MAGI2: variants seen among roughly 807,000 people sequenced by gnomAD.
MAGI2 encodes the protein membrane associated guanylate kinase, WW and PDZ domain containing 2.
Under a neutral mutation model 133.3 loss-of-function variants are expected in MAGI2, and 35 were observed. The ratio of observed to expected loss-of-function variants is 0.26; its 90% CI spans 0.20 to 0.35. The LOEUF is 0.35. Ranked by LOEUF, MAGI2 falls within the 10% of genes least tolerant of loss-of-function variation. MAGI2 has a pLI of 1.00. For synonymous variants in MAGI2, 729 were observed against 710.6 expected (o/e 1.03, Z -0.41); for missense variants, 1,636 against 1,863.4 (o/e 0.88, Z 2.25).
At chr7:78,727,506 G>A (rs1214065791) in intron 2 of MAGI2, among the ~76,000 whole-genome samples, 1 of 152,106 alleles carries the variant, frequency 6.6e-6, no homozygotes, top group Non-Finnish European at 1.5e-5. Flanking sequence ...TATTAATGAA[G>A]AATTTTCATG....
At chr7:78,027,039 T>G (rs886995259) in intron 21 of MAGI2, among the ~76,000 whole-genome samples, 3 of 152,170 alleles carry the variant, frequency 2.0e-5, no homozygotes, top group Admixed American at 2.0e-4. Flanking sequence ...GTTAAGGAAC[T>G]TGTTCAAGGC....
chr7:78,297,213 T>C (rs1351952771), intron 9 of MAGI2, among the ~76,000 whole-genome samples: 3 of 152,140 alleles, frequency 2.0e-5, no homozygotes, highest in Non-Finnish European at 4.4e-5. Context: ...TAGATAAACC[T>C]GACAAACACT....
chr7:78,964,170 G>T (rs1445437377), intron 2 of MAGI2, among the ~76,000 whole-genome samples: 1 of 150,132 alleles, frequency 6.7e-6, no homozygotes, highest in East Asian at 2.0e-4. Context: ...TTTCTGTACT[G>T]TAATAATACA....
Position 78,194,862 on chromosome 7 carries a change from G to T in MAGI2, c.2269+12C>A, listed in dbSNP as rs1056974639. 1 of 1,582,386 alleles carries T rather than the reference G, an allele frequency of 6.3e-7. No homozygotes were observed. The highest frequency in any genetic ancestry group is 1.2e-5 in the South Asian group (1 of 85,888). ...TATTAATGTACCCTTGTTTCATGTGGCTTTCACTTACGCCTACTTTCATAA... is the reference window on the plus strand; with the variant it reads ...TATTAATGTACCCTTGTTTCATGTGTCTTTCACTTACGCCTACTTTCATAA... On this transcript the variant is annotated intron_variant, in intron 12 of 21. Coordinates refer to ENST00000354212, the MANE Select transcript of MAGI2 (RefSeq NM_012301.4).
chr7:79,451,343 C>A (rs1051374803), intron 1 of MAGI2, among the ~76,000 whole-genome samples: 2 of 152,162 alleles, frequency 1.3e-5, no homozygotes, highest in Non-Finnish European at 2.9e-5. Flanking sequence ...ACTTTTCGTA[C>A]CCAAAGATCT....
chr7:78,161,620 G>C (rs146279024), intron 15 of MAGI2, among the ~76,000 whole-genome samples: 2,729 of 137,542 alleles, frequency 0.02, 34 homozygotes, highest in Middle Eastern at 0.077. Context: ...GAAAAAGTCA[G>C]GGAGAAAAAA....
chr7:79,436,232 A>G (rs1848137171), intron 1 of MAGI2, among the ~76,000 whole-genome samples: 2 of 151,806 alleles, frequency 1.3e-5, no homozygotes, highest in East Asian at 3.9e-4. Context: ...CTCAAAAAAA[A>G]AAAAAAAAAA....
intron 1 of MAGI2, among the ~76,000 whole-genome samples, chr7:79,394,353 A>G (rs1844891873): frequency 6.6e-6 from 1 of 152,160 alleles, no homozygotes; most frequent in African/African-American, 2.4e-5. Flanking sequence ...TGAAAATAAG[A>G]GTGAAGGGTT....
intron 1 of MAGI2, among the ~76,000 whole-genome samples, chr7:79,340,505 A>C (rs1488289793): frequency 1.3e-5 from 2 of 152,146 alleles, no homozygotes; most frequent in African/African-American, 4.8e-5. Context: ...GTAAAACTTT[A>C]GGTGACAGCT....
intron 6 of MAGI2, among the ~76,000 whole-genome samples, chr7:78,407,050 T>C (rs1215012815): frequency 1.3e-5 from 2 of 152,108 alleles, no homozygotes; most frequent in East Asian, 1.9e-4. Flanking sequence ...TCCAGAAATA[T>C]GTGTTTTATA....
intron 3 of MAGI2, chr7:78,616,843 T>C (rs1584858192): frequency 6.6e-6 from 1 of 152,274 alleles, no homozygotes; most frequent in South Asian, 2.1e-4. Context: ...ACTTAGGTAT[T>C]CATCCATTCA....
intron 2 of MAGI2, among the ~76,000 whole-genome samples, chr7:78,636,721 C>G (rs957549144): frequency 6.6e-6 from 1 of 152,066 alleles, no homozygotes; most frequent in Non-Finnish European, 1.5e-5. Context: ...TGGCGTGAAC[C>G]CGGGAGGCGG....
At chr7:78,453,339 A>G (rs1351407527) in intron 6 of MAGI2, among the ~76,000 whole-genome samples, 1 of 152,220 alleles carries the variant, frequency 6.6e-6, no homozygotes, top group African/African-American at 2.4e-5. Flanking sequence ...CTCTTTCTTC[A>G]GGGATAAAAG....
rs999395992 is a variant in MAGI2, at chr7:78,608,511, T to C, written c.538+18609A>G. 4.6e-5 allele frequency among the ~76,000 whole-genome samples: 7 copies of C among 151,838 alleles called. No individual in the cohort carries two copies. In the South Asian group the frequency reaches 8.3e-4, roughly 18 times the overall value. The stretch of plus-strand genomic sequence containing the variant: ...TACGTATATATAGAAGCATATATAA[T>C]GTGTGTCTGTGCATGTAGCTTAGAA... On this transcript the variant is annotated intron_variant, in intron 3 of 21. Transcript: ENST00000354212.
chr7:78,664,806 G>A (rs1303643130), intron 2 of MAGI2, among the ~76,000 whole-genome samples: 2 of 151,878 alleles, frequency 1.3e-5, no homozygotes, highest in African/African-American at 2.4e-5. Flanking sequence ...GTTAAGCTAT[G>A]CTTGAAACTT....
At chr7:78,229,281 C>A (rs1789715433) in intron 10 of MAGI2, among the ~76,000 whole-genome samples, 1 of 152,206 alleles carries the variant, frequency 6.6e-6, no homozygotes, top group Non-Finnish European at 1.5e-5. Flanking sequence ...AATTAGCACA[C>A]TGATAGCTCC....
At chr7:79,193,198 G>A (rs540525565) in intron 1 of MAGI2, among the ~76,000 whole-genome samples, 1 of 151,988 alleles carries the variant, frequency 6.6e-6, no homozygotes, top group African/African-American at 2.4e-5. Flanking sequence ...TTTCTAAGAA[G>A]TAAGAATGAC....
chr7:79,267,763 T>C (rs527248044), intron 1 of MAGI2, among the ~76,000 whole-genome samples: 3 of 152,246 alleles, frequency 2.0e-5, no homozygotes, highest in Admixed American at 6.5e-5. Context: ...ATGGGAATCA[T>C]ACAAAATTTG....
chr7:78,332,469 C>A (rs577249983), intron 9 of MAGI2, among the ~76,000 whole-genome samples: 15 of 152,070 alleles, frequency 9.9e-5, no homozygotes, highest in African/African-American at 3.4e-4. Context: ...GAGGCCGAGG[C>A]GGGAGGATCA....
Sources: gnomAD v4.1 joint callset for allele counts (sites outside exome capture counted in the v4.1 genomes callset) on GRCh38, gnomAD v4.1.1 for gene constraint, MANE v1.5 for transcripts, NCBI Gene and HGNC (gene_info 2026-07-23, HGNC 2026-07-21) for gene names.